The following ADAMTS6 variants were observed in gnomAD, a reference collection of about 807,000 sequenced individuals.
ADAMTS6 encodes A disintegrin and metalloproteinase with thrombospondin motifs 6.
A neutral mutation model predicts 144.3 loss-of-function variants in ADAMTS6; 23 were observed. That is an observed-to-expected ratio of 0.16 (90% confidence interval 0.11 to 0.23). The LOEUF (loss-of-function observed/expected upper bound fraction) is 0.23. ADAMTS6 is among the 10% of genes least tolerant of loss of function. ADAMTS6 has a pLI of 1.00. For synonymous variants in ADAMTS6, 444 were observed against 457.5 expected, an observed-to-expected ratio of 0.97 and a Z score of 0.38; for missense variants, 999 against 1,379.6, an observed-to-expected ratio of 0.72 and a Z score of 4.37.
chr5:65,291,195 C>G, intron 11 of ADAMTS6, 134 bp downstream of exon 11: 1 of 996,344 alleles, frequency 1.0e-6, no homozygotes, highest in Non-Finnish European at 1.4e-6. Context: ...GTCAGAAAAA[C>G]TGCAGTGTCA....
chr5:65,252,981 G>A (rs1027061264), intron 14 of ADAMTS6, among the ~76,000 whole-genome samples: 15 of 152,016 alleles, frequency 9.9e-5, no homozygotes, highest in African/African-American at 3.4e-4. Context: ...TCAACCTCCC[G>A]GGCTCAGGTG....
chr5:65,306,071 C>T lies in ADAMTS6; in HGVS notation c.1224-5940G>A, dbSNP rs189259645. Reference sequence around the variant, plus strand: ...TCTCAGTTGCAATGCAAACTCACTGCGTGTGCAGCATTTATATGGCCCATA... The same window carrying T: ...TCTCAGTTGCAATGCAAACTCACTGTGTGTGCAGCATTTATATGGCCCATA... On this transcript the variant is annotated intron_variant, in intron 9 of 24. Transcript: ENST00000381055. Among the ~76,000 whole-genome samples the T allele has an allele frequency of 1.5e-3, 227 of 152,288 alleles. 1 individual carries two copies. The highest frequency in any genetic ancestry group is 2.0e-3 in the Non-Finnish European group (137 of 68,026).
At chr5:65,249,172 T>C (rs1759924061) in intron 14 of ADAMTS6, among the ~76,000 whole-genome samples, 1 of 152,148 alleles carries the variant, frequency 6.6e-6, no homozygotes. Flanking sequence ...AACTGGCAGC[T>C]GGTGCCAGGG....
chr5:65,209,417 G>GT (rs1561282036), intron 20 of ADAMTS6, among the ~76,000 whole-genome samples: 2 of 152,192 alleles, frequency 1.3e-5, no homozygotes, highest in African/African-American at 2.4e-5. Flanking sequence ...AGTTACAGCA[G>GT]TATCTCAAAA....
At chr5:65,187,381 T>G (rs1040608110) in intron 22 of ADAMTS6, among the ~76,000 whole-genome samples, 1 of 152,206 alleles carries the variant, frequency 6.6e-6, no homozygotes, top group Admixed American at 6.5e-5. Context: ...CTTGGTCAGG[T>G]CTTCCTCATG....
chr5:65,167,055 A>C (rs1306978081), intron 24 of ADAMTS6, among the ~76,000 whole-genome samples: 1 of 145,692 alleles, frequency 6.9e-6, no homozygotes, highest in Non-Finnish European at 1.5e-5. Flanking sequence ...AAGGAAATAG[A>C]GACACAAAAA....
chr5:65,315,217 C>T (rs1744872416), intron 9 of ADAMTS6, among the ~76,000 whole-genome samples: 1 of 152,014 alleles, frequency 6.6e-6, no homozygotes. Flanking sequence ...CTACATTACA[C>T]ATGAGGCAAT....
intron 7 of ADAMTS6, among the ~76,000 whole-genome samples, chr5:65,443,775 TA>T (rs200291688): frequency 3.2e-3 from 450 of 141,578 alleles, no homozygotes; most frequent in Middle Eastern, 0.011. Flanking sequence ...ATTCCTGATT[TA>T]AAAAAAAAAA....
At chr5:65,469,590 A>G (rs951634272) in intron 3 of ADAMTS6, among the ~76,000 whole-genome samples, 11 of 152,230 alleles carry the variant, frequency 7.2e-5, no homozygotes, top group African/African-American at 2.7e-4. Flanking sequence ...GAGTATACTC[A>G]ATTTGTCTAT....
At chr5:65,302,354 TTA>T (rs1237664157) in intron 9 of ADAMTS6, among the ~76,000 whole-genome samples, 2 of 146,224 alleles carry the variant, frequency 1.4e-5, no homozygotes, top group Admixed American at 7.0e-5. Flanking sequence ...AATATGTGTA[TTA>T]TATGTTATAT....
intron 1 of ADAMTS6, among the ~76,000 whole-genome samples, chr5:65,480,138 C>G (rs552866102): frequency 6.6e-6 from 1 of 152,226 alleles, no homozygotes; most frequent in African/African-American, 2.4e-5. Flanking sequence ...ATCCCCACAT[C>G]TAAACATTTC....
intron 14 of ADAMTS6, among the ~76,000 whole-genome samples, chr5:65,249,845 C>CA (rs1759996012): frequency 6.6e-6 from 1 of 152,202 alleles, no homozygotes; most frequent in East Asian, 1.9e-4. Flanking sequence ...ACTTACCCTG[C>CA]AACTCTCCCT....
chr5:65,344,074 G>A (rs1282901235), intron 7 of ADAMTS6, among the ~76,000 whole-genome samples: 5 of 151,812 alleles, frequency 3.3e-5, no homozygotes, highest in Admixed American at 6.6e-5. Flanking sequence ...CTAATATAGG[G>A]TATTTTTTAT....
At chr5:65,274,467 C>T (rs1408000221) in intron 11 of ADAMTS6, among the ~76,000 whole-genome samples, 1 of 151,912 alleles carries the variant, frequency 6.6e-6, no homozygotes, top group Non-Finnish European at 1.5e-5. Flanking sequence ...TGCTTTTATT[C>T]CTCAACTGAT....
intron 6 of ADAMTS6, 39 bp downstream of exon 6, chr5:65,452,094 T>C: frequency 3.5e-6 from 5 of 1,443,288 alleles, no homozygotes; most frequent in Non-Finnish European, 4.8e-6. Flanking sequence ...TATAGCCTTC[T>C]GTTAACAATC....
At chr5:65,278,475 T>A (rs1053424450) in intron 11 of ADAMTS6, among the ~76,000 whole-genome samples, 6 of 152,206 alleles carry the variant, frequency 3.9e-5, no homozygotes, top group African/African-American at 1.4e-4. Context: ...TTCCCTCACA[T>A]CCATGACAAC....
chr5:65,369,110 C>T (rs1580510363), intron 7 of ADAMTS6, among the ~76,000 whole-genome samples: 1 of 152,162 alleles, frequency 6.6e-6, no homozygotes, highest in East Asian at 1.9e-4. Flanking sequence ...GTCCCAGCTA[C>T]CCCAGAGGCT....
At chr5:65,253,335 C>T (rs989977488) in intron 14 of ADAMTS6, among the ~76,000 whole-genome samples, 4 of 152,156 alleles carry the variant, frequency 2.6e-5, no homozygotes, top group Non-Finnish European at 5.9e-5. Flanking sequence ...TTTTTGAGCA[C>T]TGATTAGAAA....
At chr5:65,405,921 G>A (rs1206367565) in intron 7 of ADAMTS6, among the ~76,000 whole-genome samples, 1 of 152,188 alleles carries the variant, frequency 6.6e-6, no homozygotes, top group Non-Finnish European at 1.5e-5. Flanking sequence ...GTGAATGGGA[G>A]TTCACTCATG....
Sources: gnomAD v4.1 joint callset for allele counts (sites outside exome capture counted in the v4.1 genomes callset) on GRCh38, gnomAD v4.1.1 for gene constraint, MANE v1.5 for transcripts, NCBI Gene and HGNC (gene_info 2026-07-23, HGNC 2026-07-21) for gene names.